SLC6A18: variants seen among roughly 807,000 people sequenced by gnomAD.
SLC6A18 encodes the protein inactive sodium-dependent neutral amino acid transporter B(0)AT3.
SLC6A18 carries 58 observed loss-of-function variants against 62.9 expected under a neutral mutation model. That is an observed-to-expected ratio of 0.92 (90% CI 0.75 to 1.15). SLC6A18 has a LOEUF of 1.15. Ranked by LOEUF, SLC6A18 falls within the 50% of genes most tolerant of loss-of-function variation. The probability of loss-of-function intolerance (pLI) is 0.00; values close to 1 mark genes in which losing one functional copy is unlikely to be tolerated. For missense variants in SLC6A18, 793 were observed against 836.6 expected, an observed-to-expected ratio of 0.95 and a Z score of 0.64; for synonymous variants, 382 against 365.8, an observed-to-expected ratio of 1.04 and a Z score of -0.51.
intron 5 of SLC6A18, 50 bp from the exon 6 acceptor site, chr5:1,239,400 G>T (rs769854692): frequency 7.1e-7 from 1 of 1,403,824 alleles, no homozygotes; most frequent in Non-Finnish European, 1.0e-6. Context: ...AGGGCCACCA[G>T]CTCATGTGGT....
intron 5 of SLC6A18, among the ~76,000 whole-genome samples, chr5:1,239,098 T>G (rs563848084): frequency 6.6e-6 from 1 of 152,328 alleles, no homozygotes; most frequent in African/African-American, 2.4e-5. Flanking sequence ...CCTCGGGGCT[T>G]CAAATCACCC....
chr5:1,244,475 G>C, intron 10 of SLC6A18, 102 bp downstream of exon 10: 3 of 1,562,216 alleles, frequency 1.9e-6, no homozygotes, highest in Non-Finnish European at 1.7e-6. Context: ...AGACCGCCGA[G>C]AATGTTCTGC....
At chr5:1,227,666 C>A (rs1746617833) in intron 1 of SLC6A18, among the ~76,000 whole-genome samples, 1 of 152,252 alleles carries the variant, frequency 6.6e-6, no homozygotes, top group Non-Finnish European at 1.5e-5. Context: ...CATAAATGTT[C>A]TCTTCAAAGC....
chr5:1,244,458 G>A (rs1747160484), intron 10 of SLC6A18, 85 bp downstream of exon 10: 14 of 1,577,862 alleles, frequency 8.9e-6, no homozygotes, highest in Non-Finnish European at 1.2e-5. Context: ...TCAACCCGCA[G>A]CTGCCCAGAC....
intron 3 of SLC6A18, among the ~76,000 whole-genome samples, chr5:1,233,749 A>ATTT (rs70957337): frequency 3.6e-5 from 5 of 138,720 alleles, no homozygotes; most frequent in African/African-American, 8.1e-5. Flanking sequence ...CACTCAGCTA[A>ATTT]TTTTTTTTTT....
chr5:1,228,268 G>A (rs116609004), intron 1 of SLC6A18, among the ~76,000 whole-genome samples: 1,869 of 152,258 alleles, frequency 0.012, 41 homozygotes, highest in African/African-American at 0.042. Context: ...CACCTTGACG[G>A]CCTTCACGCC....
At chr5:1,235,755 T>C in intron 4 of SLC6A18, 93 bp downstream of exon 4, 1 of 1,305,378 alleles carries the variant, frequency 7.7e-7, no homozygotes, top group Non-Finnish European at 1.1e-6. Flanking sequence ...GTCTACAAGC[T>C]CTTGCGAGGG....
intron 3 of SLC6A18, among the ~76,000 whole-genome samples, chr5:1,235,136 G>A (rs1209244250): frequency 6.6e-6 from 1 of 152,240 alleles, no homozygotes; most frequent in Non-Finnish European, 1.5e-5. Context: ...TCCGTCCAGT[G>A]CTCCTGTGCC....
At chr5:1,233,939 C>A (rs1450258772) in intron 3 of SLC6A18, among the ~76,000 whole-genome samples, 2 of 152,140 alleles carry the variant, frequency 1.3e-5, no homozygotes, top group Admixed American at 6.5e-5. Flanking sequence ...GACGGGGTTT[C>A]ACCATGTTAG....
chr5:1,239,543 G>C lies in SLC6A18; in HGVS notation c.826G>C (p.Ala276Pro). ...SLAFGGHIAF[A>P]SYNSPRNDCQ... ...GGCCTTCGGAGGACACATCGCTTTT[G>C]CAAGTTACAACTCGCCCAGGTAGGC... is the stretch of plus-strand genomic sequence containing the variant. The change falls in exon 6 of 12, where the codon GCA becomes CCA. Residue 276 changes from alanine to proline, a missense_variant. Ala to Pro is a conservative substitution (Grantham distance 27). Transcript: ENST00000324642. 6.2e-7 allele frequency: 1 copy of C among 1,614,084 alleles called. No individual in the cohort carries two copies. Among genetic ancestry groups the C allele is most frequent in the Non-Finnish European group, 8.5e-7 (1 of 1,179,978 alleles).
At chr5:1,233,934 G>A (rs4975541) in intron 3 of SLC6A18, among the ~76,000 whole-genome samples, 37,263 of 151,848 alleles carry the variant, frequency 0.25, 4,822 homozygotes, top group Non-Finnish European at 0.27. Context: ...GTAGAGACGG[G>A]GTTTCACCAT....
chr5:1,226,018 G>A (rs116386154), intron 1 of SLC6A18, among the ~76,000 whole-genome samples: 11 of 152,208 alleles, frequency 7.2e-5, no homozygotes, highest in African/African-American at 2.7e-4. Context: ...CACACAATCC[G>A]CTCTGGGTTT....
At chr5:1,242,401 T>C (rs1237548601) in intron 7 of SLC6A18, among the ~76,000 whole-genome samples, 1 of 129,058 alleles carries the variant, frequency 7.7e-6, no homozygotes, top group African/African-American at 3.0e-5. Context: ...GTCCACACGA[T>C]CCCAACAGGG....
chr5:1,235,525 T>C lies in SLC6A18; in HGVS notation c.484T>C (p.Trp162Arg). The C allele has an allele frequency of 2.5e-6, 4 of 1,614,056 alleles. No individual in the cohort carries two copies. Among genetic ancestry groups the C allele is most frequent in the Non-Finnish European group, 3.4e-6 (4 of 1,180,022 alleles). Residue 162 changes from tryptophan to arginine, a missense_variant, in exon 4 of 12, where the codon TGG becomes CGG. Physicochemically the swap from Trp to Arg is moderately radical, Grantham distance 101. Coordinates refer to ENST00000324642, the MANE Select transcript of SLC6A18 (RefSeq NM_182632.3). ...CQGSSAVSYF[W>R]YRQTLNITAD... is the part of the protein sequence containing the mutation. ...GGGCAGCAGCGCCGTGAGCTACTTC[T>C]GGTACCGGCAGACACTGAACATCAC...
Position 1,243,078 on chromosome 5 carries a change from A to G in SLC6A18, c.1131+215A>G, listed in dbSNP as rs1054086887. ...GGCAGCTGTGTCCAGCAGACGCTGCACCCAGCAGTCTTGGGGGTTGGGCTG... is the reference window on the plus strand; with the variant it reads ...GGCAGCTGTGTCCAGCAGACGCTGCGCCCAGCAGTCTTGGGGGTTGGGCTG... On this transcript the variant is annotated intron_variant, in intron 8 of 11. Coordinates refer to ENST00000324642, the MANE Select transcript of SLC6A18 (RefSeq NM_182632.3). The surrounding 1 kb of genome is among the most constrained non-coding windows in gnomAD (Gnocchi z 6.5). Among the ~76,000 whole-genome samples the G allele has an allele frequency of 1.3e-5, 2 of 152,176 alleles. No individual in the cohort carries two copies. Among genetic ancestry groups the G allele is most frequent in the African/African-American group, 4.8e-5 (2 of 41,448 alleles).
chr5:1,235,801 A>T, intron 4 of SLC6A18, 139 bp downstream of exon 4: 1 of 818,204 alleles, frequency 1.2e-6, no homozygotes. Context: ...CTTCTTAGGG[A>T]ATTGATCCCA....
At chr5:1,234,228 T>C (rs1017626831) in intron 3 of SLC6A18, among the ~76,000 whole-genome samples, 19 of 152,208 alleles carry the variant, frequency 1.2e-4, no homozygotes, top group Admixed American at 3.3e-4. Context: ...CAACTCTGAC[T>C]TTCTTTCCTT....
At chr5:1,237,063 G>A (rs959511772) in intron 4 of SLC6A18, among the ~76,000 whole-genome samples, 22 of 147,458 alleles carry the variant, frequency 1.5e-4, no homozygotes, top group African/African-American at 4.1e-4. Context: ...GTGACACCCC[G>A]TGTCTACTAA....
intron 5 of SLC6A18, 41 bp from the exon 6 acceptor site, chr5:1,239,409 G>A: frequency 1.3e-6 from 2 of 1,495,148 alleles, no homozygotes; most frequent in Admixed American, 1.7e-5. Flanking sequence ...AGCTCATGTG[G>A]TTTGCCTGCT....
Sources: gnomAD v4.1 joint callset for allele counts (sites outside exome capture counted in the v4.1 genomes callset) on GRCh38, gnomAD v4.1.1 for gene constraint, Gnocchi (gnomAD v3.1) non-coding constraint, MANE v1.5 for transcripts, NCBI Gene and HGNC (gene_info 2026-07-23, HGNC 2026-07-21) for gene names.